The following RABGAP1L variants were observed in gnomAD, a reference collection of about 807,000 sequenced individuals.
The protein encoded by RABGAP1L is rab GTPase-activating protein 1-like.
A neutral mutation model predicts 137.7 loss-of-function variants in RABGAP1L; 63 were observed. That is an observed-to-expected ratio of 0.46 (90% CI 0.37 to 0.56). RABGAP1L has a LOEUF of 0.56. Ranked by LOEUF, RABGAP1L falls within the 20% of genes least tolerant of loss-of-function variation. The pLI, the probability that RABGAP1L is intolerant of heterozygous loss-of-function variation, is 0.00. For missense variants in RABGAP1L, 1,095 were observed against 1,244.0 expected, an observed-to-expected ratio of 0.88 and a Z score of 1.80; for synonymous variants, 431 against 433.7, an observed-to-expected ratio of 0.99 and a Z score of 0.08.
At chr1:174,764,376 G>A (rs767560421) in intron 18 of RABGAP1L, among the ~76,000 whole-genome samples, 12 of 152,190 alleles carry the variant, frequency 7.9e-5, no homozygotes, top group Non-Finnish European at 1.5e-4. Flanking sequence ...TTTTTAAGGA[G>A]CTGCCAAACA....
chr1:174,965,461 CT>C (rs1296570755), intron 20 of RABGAP1L, among the ~76,000 whole-genome samples: 1 of 152,204 alleles, frequency 6.6e-6, no homozygotes, highest in Non-Finnish European at 1.5e-5. Flanking sequence ...AAACCAAACT[CT>C]CTTCTCCATT....
intron 13 of RABGAP1L, among the ~76,000 whole-genome samples, chr1:174,611,709 G>A (rs1380011950): frequency 2.0e-5 from 3 of 151,704 alleles, no homozygotes; most frequent in African/African-American, 7.3e-5. Context: ...TCTTCCATTT[G>A]TTTGTATCCT....
At chr1:174,160,457 A>G (rs1664349652) in intron 1 of RABGAP1L, among the ~76,000 whole-genome samples, 1 of 152,186 alleles carries the variant, frequency 6.6e-6, no homozygotes, top group African/African-American at 2.4e-5. Flanking sequence ...GACGGGTTTC[A>G]GATACTAGGC....
At chr1:174,948,575 G>C (rs1031004225) in intron 19 of RABGAP1L, 1 of 149,412 alleles carries the variant, frequency 6.7e-6, no homozygotes, top group Non-Finnish European at 1.5e-5. Flanking sequence ...ATCAATGCTT[G>C]AGGGGATCGC....
intron 17 of RABGAP1L, among the ~76,000 whole-genome samples, chr1:174,734,468 G>A (rs1428042042): frequency 2.0e-5 from 3 of 152,110 alleles, no homozygotes; most frequent in Non-Finnish European, 4.4e-5. Context: ...GAAATGAGAT[G>A]CCTGTTCTAA....
intron 13 of RABGAP1L, among the ~76,000 whole-genome samples, chr1:174,625,259 T>C (rs1379225516): frequency 2.0e-5 from 3 of 152,218 alleles, no homozygotes; most frequent in African/African-American, 7.2e-5. Context: ...GATTATAGGC[T>C]CCGTAGAGTC....
chr1:174,248,411 C>T (rs1276309508), intron 5 of RABGAP1L, among the ~76,000 whole-genome samples: 2 of 152,108 alleles, frequency 1.3e-5, no homozygotes, highest in Non-Finnish European at 2.9e-5. Flanking sequence ...CAATCTTTTG[C>T]TGCTTTTTTA....
At chr1:174,541,166 C>T (rs1193401059) in intron 13 of RABGAP1L, among the ~76,000 whole-genome samples, 1 of 152,176 alleles carries the variant, frequency 6.6e-6, no homozygotes, top group Non-Finnish European at 1.5e-5. Flanking sequence ...GCTGAAGTTG[C>T]TTATCAGCTT....
intron 13 of RABGAP1L, among the ~76,000 whole-genome samples, chr1:174,625,642 A>G (rs1672892128): frequency 6.6e-6 from 1 of 152,230 alleles, no homozygotes; most frequent in Non-Finnish European, 1.5e-5. Context: ...AACATAATTG[A>G]GCTTGAAGAA....
chr1:174,523,016 C>G (rs928923327), intron 13 of RABGAP1L, among the ~76,000 whole-genome samples: 2 of 152,174 alleles, frequency 1.3e-5, no homozygotes, highest in African/African-American at 4.8e-5. Context: ...TAGATTGAAT[C>G]AGAGATAGTA....
intron 19 of RABGAP1L, among the ~76,000 whole-genome samples, chr1:174,910,080 A>G (rs866522720): frequency 5.9e-5 from 9 of 152,306 alleles, no homozygotes; most frequent in Middle Eastern, 3.4e-3. Flanking sequence ...CGGAGCTTGC[A>G]GTGAGCTGAG....
At chr1:174,549,867 C>T (rs192245182) in intron 13 of RABGAP1L, among the ~76,000 whole-genome samples, 16 of 152,172 alleles carry the variant, frequency 1.1e-4, no homozygotes, top group Non-Finnish European at 1.6e-4. Context: ...TGGAAATAAT[C>T]TTATGACAGC....
intron 19 of RABGAP1L, among the ~76,000 whole-genome samples, chr1:174,815,454 A>C (rs1246825622): frequency 6.6e-6 from 1 of 152,232 alleles, no homozygotes; most frequent in African/African-American, 2.4e-5. Flanking sequence ...AAACATTTTT[A>C]AATTATTTTC....
intron 17 of RABGAP1L, among the ~76,000 whole-genome samples, chr1:174,744,653 G>T (rs766509138): frequency 1.6e-4 from 24 of 152,274 alleles, no homozygotes; most frequent in Non-Finnish European, 2.9e-4. Context: ...GGAACCAGTA[G>T]ACATATCGAG....
chr1:174,793,009 G>A (rs1337908907), intron 18 of RABGAP1L, among the ~76,000 whole-genome samples: 2 of 152,136 alleles, frequency 1.3e-5, no homozygotes, highest in Admixed American at 6.6e-5. Flanking sequence ...GCGAGCACCT[G>A]TAATCCCGGC....
chr1:174,226,047 G>A (rs1670152864), intron 3 of RABGAP1L, among the ~76,000 whole-genome samples: 1 of 152,068 alleles, frequency 6.6e-6, no homozygotes, highest in Non-Finnish European at 1.5e-5. Flanking sequence ...ACAGAAACAA[G>A]TCATGATTTC....
At chr1:174,197,011 A>G (rs1667740040) in intron 1 of RABGAP1L, among the ~76,000 whole-genome samples, 1 of 152,218 alleles carries the variant, frequency 6.6e-6, no homozygotes, top group African/African-American at 2.4e-5. Flanking sequence ...AAAGGTGGCA[A>G]TATTTCTTGA....
At chr1:174,337,946 A>G (rs1390985838) in intron 11 of RABGAP1L, among the ~76,000 whole-genome samples, 4 of 152,230 alleles carry the variant, frequency 2.6e-5, no homozygotes, top group Non-Finnish European at 4.4e-5. Flanking sequence ...AAATCATTAC[A>G]GAAGTTAAGG....
chr1:174,391,199 A>G (rs1049952754), intron 12 of RABGAP1L, among the ~76,000 whole-genome samples: 1 of 152,198 alleles, frequency 6.6e-6, no homozygotes, highest in African/African-American at 2.4e-5. Flanking sequence ...GTTGAACTGA[A>G]TTGAGGTAGG....
Sources: allele counts gnomAD v4.1 joint callset (sites outside exome capture counted in the v4.1 genomes callset), GRCh38; gene constraint gnomAD v4.1.1; transcripts MANE v1.5; gene names NCBI Gene and HGNC (gene_info 2026-07-23, HGNC 2026-07-21).